PRKG1: variants seen among roughly 807,000 people sequenced by gnomAD.
PRKG1 encodes cGMP-dependent protein kinase 1.
A neutral mutation model predicts 88.1 loss-of-function variants in PRKG1; 35 were observed. The observed-to-expected ratio is 0.40, with a 90% confidence interval of 0.30 to 0.53. The LOEUF is 0.53. Ranked by LOEUF, PRKG1 falls within the 20% of genes least tolerant of loss-of-function variation. The pLI, the probability that PRKG1 is intolerant of heterozygous loss-of-function variation, is 0.59. For synonymous variants in PRKG1, 303 were observed against 292.5 expected, an observed-to-expected ratio of 1.04 and a Z score of -0.37; for missense variants, 540 against 839.8, an observed-to-expected ratio of 0.64 and a Z score of 4.41.
At chr10:51,801,211 G>T (rs1023030881) in intron 3 of PRKG1, among the ~76,000 whole-genome samples, 1 of 152,080 alleles carries the variant, frequency 6.6e-6, no homozygotes. Context: ...TATGGTCTCT[G>T]TTGCAATTAC....
At chr10:52,117,720 CCT>C (rs1847722493) in intron 7 of PRKG1, among the ~76,000 whole-genome samples, 1 of 151,890 alleles carries the variant, frequency 6.6e-6, no homozygotes, top group South Asian at 2.1e-4. Flanking sequence ...ATCCCTTCTT[CCT>C]CTGTCTTTTA....
chr10:52,121,486 T>C (rs1564478057), intron 7 of PRKG1, among the ~76,000 whole-genome samples: 1 of 152,196 alleles, frequency 6.6e-6, no homozygotes, highest in East Asian at 1.9e-4. Flanking sequence ...TTAAAATCAT[T>C]TCTCTTCTCT....
At chr10:51,602,732 ATGTGTGTGTGTGTG>A (rs4041278) in intron 3 of PRKG1, among the ~76,000 whole-genome samples, 8,242 of 128,888 alleles carry the variant, frequency 0.064, 415 homozygotes, top group Middle Eastern at 0.095. Flanking sequence ...ATTAATATAT[ATGTGTGTGTGTGTG>A]TGTGTGTGTG....
chr10:51,523,474 C>T (rs891814415), intron 3 of PRKG1, among the ~76,000 whole-genome samples: 2 of 152,170 alleles, frequency 1.3e-5, no homozygotes, highest in African/African-American at 4.8e-5. Flanking sequence ...AAGCCCAGTG[C>T]TTCATGACCT....
intron 2 of PRKG1, among the ~76,000 whole-genome samples, chr10:51,321,814 T>A (rs868285058): frequency 8.5e-5 from 13 of 152,294 alleles, no homozygotes; most frequent in Middle Eastern, 3.4e-3. Context: ...ACACCCTACT[T>A]ACCCTGATGT....
chr10:52,271,271 G>A, intron 10 of PRKG1, 79 bp from the exon 11 acceptor site: 2 of 1,464,958 alleles, frequency 1.4e-6, no homozygotes, highest in Non-Finnish European at 1.9e-6. Flanking sequence ...AGTGCGCCAT[G>A]TACCTGTTAA....
intron 2 of PRKG1, among the ~76,000 whole-genome samples, chr10:51,182,104 A>G (rs1837363185): frequency 6.6e-6 from 1 of 152,162 alleles, no homozygotes; most frequent in Non-Finnish European, 1.5e-5. Flanking sequence ...TAAACAACCA[A>G]AAGAATATGA....
intron 4 of PRKG1, among the ~76,000 whole-genome samples, chr10:51,870,449 TG>T (rs1457304140): frequency 6.6e-6 from 1 of 151,886 alleles, no homozygotes; most frequent in Non-Finnish European, 1.5e-5. Context: ...CCTAATGTAC[TG>T]AAGTTTAAAC....
At chr10:51,432,791 C>A (rs1838807910) in intron 2 of PRKG1, among the ~76,000 whole-genome samples, 1 of 152,154 alleles carries the variant, frequency 6.6e-6, no homozygotes, top group Non-Finnish European at 1.5e-5. Context: ...TCTTCTAGGT[C>A]TACTTCCCCT....
intron 1 of PRKG1, among the ~76,000 whole-genome samples, chr10:50,997,327 G>A (rs1842846207): frequency 6.6e-6 from 1 of 152,094 alleles, no homozygotes; most frequent in African/African-American, 2.4e-5. Flanking sequence ...AATACACCAG[G>A]AGTTCTTGTT....
intron 2 of PRKG1, among the ~76,000 whole-genome samples, chr10:51,352,072 C>T (rs892255110): frequency 6.6e-6 from 1 of 152,030 alleles, no homozygotes; most frequent in African/African-American, 2.4e-5. Context: ...GCTATTATTT[C>T]TGAGCTCTCT....
At chr10:51,946,783 T>C (rs1554858897) in intron 5 of PRKG1, among the ~76,000 whole-genome samples, 1 of 152,060 alleles carries the variant, frequency 6.6e-6, no homozygotes. Context: ...CGGATTTTCA[T>C]GAACCGCGAA....
At chr10:51,415,368 T>C (rs1278647515) in intron 2 of PRKG1, among the ~76,000 whole-genome samples, 1 of 152,216 alleles carries the variant, frequency 6.6e-6, no homozygotes, top group East Asian at 1.9e-4. Flanking sequence ...CTTGTTATTT[T>C]TTTGGTGCTG....
chr10:51,763,276 G>A (rs1397851185), intron 3 of PRKG1, among the ~76,000 whole-genome samples: 3 of 151,770 alleles, frequency 2.0e-5, no homozygotes, highest in Non-Finnish European at 4.4e-5. Context: ...TTGTCGGCAA[G>A]GCTAGAGCGT....
chr10:51,637,734 C>A (rs115417866), intron 3 of PRKG1, among the ~76,000 whole-genome samples: 6,463 of 152,156 alleles, frequency 0.042, 180 homozygotes, highest in Middle Eastern at 0.078. Flanking sequence ...CACATAGACA[C>A]ATGGGGGGAA....
rs1845467236 is a variant in PRKG1 at position 51,127,751 on chromosome 10, A to G, written c.312-25413A>G. Among the ~76,000 whole-genome samples, 5 of 152,366 alleles carry G rather than the reference A, an allele frequency of 3.3e-5. No individual in the cohort carries two copies. The South Asian group carries it at 1.0e-3, about 32-fold the overall frequency. ...AGACTGGATAAAGAAAATGTGGTAC[A>G]TATACACCATAGAATGCTATGCAGC... On this transcript the variant is annotated intron_variant, in intron 1 of 17. Transcript: ENST00000373980.
chr10:52,134,631 G>A (rs970213662), intron 8 of PRKG1, among the ~76,000 whole-genome samples: 4 of 152,058 alleles, frequency 2.6e-5, no homozygotes, highest in South Asian at 2.1e-4. Flanking sequence ...TAAATTCATC[G>A]AATAGCCAAG....
intron 2 of PRKG1, among the ~76,000 whole-genome samples, chr10:51,170,693 A>T (rs1564625888): frequency 7.5e-6 from 1 of 133,032 alleles, no homozygotes; most frequent in Non-Finnish European, 1.6e-5. Context: ...CTGAGTCAGG[A>T]TTATGATTGG....
chr10:51,038,298 A>T (rs1843378454), intron 1 of PRKG1, among the ~76,000 whole-genome samples: 1 of 152,220 alleles, frequency 6.6e-6, no homozygotes. Flanking sequence ...CTATTACCTC[A>T]AGCATTTATC....
Sources: allele counts gnomAD v4.1 joint callset (sites outside exome capture counted in the v4.1 genomes callset), GRCh38; gene constraint gnomAD v4.1.1; transcripts MANE v1.5; gene names NCBI Gene and HGNC (gene_info 2026-07-23, HGNC 2026-07-21).